Variants in HNRNPLL observed in about 807,000 individuals in gnomAD.
The protein encoded by HNRNPLL is heterogeneous nuclear ribonucleoprotein L-like.
In HNRNPLL, 25 loss-of-function variants were observed where a neutral mutation model predicts 67.1. That is an observed-to-expected ratio of 0.37 (90% CI 0.27 to 0.52). The LOEUF (loss-of-function observed/expected upper bound fraction) is 0.52. Ranked by LOEUF, HNRNPLL falls within the 20% of genes least tolerant of loss-of-function variation. The probability of loss-of-function intolerance (pLI) is 0.90; values close to 1 mark genes in which losing one functional copy is unlikely to be tolerated. For missense variants in HNRNPLL, 542 were observed against 673.9 expected (o/e 0.80, Z 2.17); for synonymous variants, 267 against 241.7 (o/e 1.10, Z -0.97).
intron 6 of HNRNPLL, among the ~76,000 whole-genome samples, chr2:38,577,746 A>T (rs550006172): frequency 3.3e-5 from 5 of 152,226 alleles, no homozygotes; most frequent in South Asian, 4.1e-4. Flanking sequence ...ACTTAACTTG[A>T]ATATATCTTT....
Position 38,581,991 on chromosome 2 carries a change from A to T in HNRNPLL, c.730-6T>A, listed in dbSNP as rs781726966. On this transcript the variant is annotated splice_region_variant and splice_polypyrimidine_tract_variant and intron_variant, in intron 5 of 12. Coordinates refer to ENST00000449105, the MANE Select transcript of HNRNPLL (RefSeq NM_138394.4). ...ATAACATTTAGACGAGTTGGCTGTTAAGATTGAAAATAATGTAAGTTCAAA... is the reference window on the plus strand; with the variant it reads ...ATAACATTTAGACGAGTTGGCTGTTTAGATTGAAAATAATGTAAGTTCAAA... 15 of 1,610,256 alleles carry T rather than the reference A, an allele frequency of 9.3e-6. No individual in the cohort carries two copies. Among genetic ancestry groups the T allele is most frequent in the African/African-American group, 2.7e-5 (2 of 74,850 alleles).
intron 12 of HNRNPLL, among the ~76,000 whole-genome samples, chr2:38,567,731 G>C (rs1024973054): frequency 6.6e-6 from 1 of 152,122 alleles, no homozygotes; most frequent in African/African-American, 2.4e-5. Flanking sequence ...CCAATGTTAG[G>C]TTATAAAAAA....
At chr2:38,575,647 T>A (rs989545599) in intron 7 of HNRNPLL, among the ~76,000 whole-genome samples, 1 of 151,776 alleles carries the variant, frequency 6.6e-6, no homozygotes, top group Non-Finnish European at 1.5e-5. Context: ...AATCTATGGG[T>A]CCTGAACCAT....
At chr2:38,586,092 G>C (rs1280595583) in intron 2 of HNRNPLL, among the ~76,000 whole-genome samples, 2 of 151,810 alleles carry the variant, frequency 1.3e-5, no homozygotes, top group Non-Finnish European at 2.9e-5. Context: ...CGCAATCTAG[G>C]CTCACTGCAA....
At chr2:38,567,193 C>G (rs1665895984) in intron 12 of HNRNPLL, among the ~76,000 whole-genome samples, 1 of 152,118 alleles carries the variant, frequency 6.6e-6, no homozygotes, top group Non-Finnish European at 1.5e-5. Flanking sequence ...AACCTCACCT[C>G]CCAGGTTCAA....
At chr2:38,567,769 C>G (rs1298213844) in intron 12 of HNRNPLL, among the ~76,000 whole-genome samples, 3 of 152,176 alleles carry the variant, frequency 2.0e-5, no homozygotes, top group Admixed American at 6.5e-5. Flanking sequence ...TTGGATCACT[C>G]AGAGAGAAGT....
At position 38,580,603 on chromosome 2, in the gene HNRNPLL, T is replaced by C. The variant is rs372129207; in HGVS notation, c.802+1310A>G. 4.6e-5 allele frequency among the ~76,000 whole-genome samples: 7 copies of C among 152,366 alleles called. No homozygotes were observed. The East Asian group carries it at 5.8e-4, about 13-fold the overall frequency. On this transcript the variant is annotated intron_variant, in intron 6 of 12. Transcript: ENST00000449105. ...ACTCATCTTGAGCTTTTCCACCCTG[T>C]AGTTCAAACACTGATATTGTAGTTA...
intron 1 of HNRNPLL, among the ~76,000 whole-genome samples, chr2:38,595,295 A>G (rs1351149066): frequency 7.6e-5 from 11 of 143,818 alleles, no homozygotes; most frequent in South Asian, 4.2e-4. Context: ...AAAAAAAAAA[A>G]AAGAAAAGAA....
chr2:38,585,265 T>TG (rs1666681248), intron 3 of HNRNPLL, among the ~76,000 whole-genome samples: 1 of 152,244 alleles, frequency 6.6e-6, no homozygotes, highest in Non-Finnish European at 1.5e-5. Flanking sequence ...CATAATGATA[T>TG]GTGCATCTTA....
chr2:38,575,038 G>C (rs570139537), intron 7 of HNRNPLL, among the ~76,000 whole-genome samples: 1 of 151,816 alleles, frequency 6.6e-6, no homozygotes, highest in African/African-American at 2.4e-5. Flanking sequence ...GAAGTAGAAA[G>C]ACACATGGTA....
chr2:38,586,516 G>A (rs934396296), intron 2 of HNRNPLL, among the ~76,000 whole-genome samples: 1 of 152,130 alleles, frequency 6.6e-6, no homozygotes, highest in Admixed American at 6.5e-5. Context: ...AGAAACCAAC[G>A]CAGATCAAAC....
At chr2:38,599,820 T>A (rs1429081208) in intron 1 of HNRNPLL, 3 of 459,442 alleles carry the variant, frequency 6.5e-6, no homozygotes, top group Non-Finnish European at 1.3e-5. Context: ...AACCAAGCAA[T>A]GTAAATCTTC....
At chr2:38,590,529 C>T (rs1666917337) in intron 2 of HNRNPLL, among the ~76,000 whole-genome samples, 1 of 152,102 alleles carries the variant, frequency 6.6e-6, no homozygotes, top group Non-Finnish European at 1.5e-5. Context: ...AAGAAAAGAA[C>T]AACAGCCGGG....
At chr2:38,583,699 T>G (rs148794702) in intron 4 of HNRNPLL, 142 bp downstream of exon 4, 627 of 497,466 alleles carry the variant, frequency 1.3e-3, no homozygotes, top group Middle Eastern at 7.6e-3. Context: ...CTATGAGTAC[T>G]GCAGTTTCAT....
At chr2:38,595,122 A>G (rs1375248671) in intron 1 of HNRNPLL, among the ~76,000 whole-genome samples, 1 of 150,984 alleles carries the variant, frequency 6.6e-6, no homozygotes, top group African/African-American at 2.4e-5. Context: ...TTAGCAAAAA[A>G]ACAAAACATT....
chr2:38,572,892 C>T (rs1215483752), intron 8 of HNRNPLL, among the ~76,000 whole-genome samples: 3 of 151,984 alleles, frequency 2.0e-5, no homozygotes, highest in African/African-American at 7.2e-5. Flanking sequence ...ACCTGTTAAA[C>T]GCTAGAATCA....
At chr2:38,576,655 T>A (rs976194134) in intron 7 of HNRNPLL, among the ~76,000 whole-genome samples, 1 of 151,802 alleles carries the variant, frequency 6.6e-6, no homozygotes, top group South Asian at 2.1e-4. Flanking sequence ...TGTAGGCAAT[T>A]TGAACCATTT....
At chr2:38,573,564 A>T in intron 7 of HNRNPLL, 137 bp from the exon 8 acceptor site, 1 of 625,374 alleles carries the variant, frequency 1.6e-6, no homozygotes, top group Non-Finnish European at 2.8e-6. Context: ...AGAAAACTCA[A>T]ATGTATGAAT....
chr2:38,599,295 G>GAA lies in HNRNPLL; in HGVS notation c.189+3141_189+3142dup, dbSNP rs757072275. ...TGATTTGCCTGTTTATTCACTAGCA[G>GAA]AAAACAGAAAAACTTTAAAATCTCC... On this transcript the variant is annotated intron_variant, in intron 1 of 12. Coordinates refer to ENST00000449105, the MANE Select transcript of HNRNPLL (RefSeq NM_138394.4). Among the ~76,000 whole-genome samples the GAA allele has an allele frequency of 2.1e-3, 320 of 152,232 alleles. 4 individuals are homozygous for GAA. The highest frequency in any genetic ancestry group is 1.1e-3 in the Non-Finnish European group (73 of 68,016).
Sources: allele counts gnomAD v4.1 joint callset (sites outside exome capture counted in the v4.1 genomes callset), GRCh38; gene constraint gnomAD v4.1.1; transcripts MANE v1.5; gene names NCBI Gene and HGNC (gene_info 2026-07-23, HGNC 2026-07-21).